FUNDC2: variants seen among roughly 807,000 people sequenced by gnomAD.
FUNDC2 encodes the protein FUN14 domain containing 2.
A neutral mutation model predicts 15.6 loss-of-function variants in FUNDC2; 4 were observed. The observed-to-expected ratio is 0.26, with a 90% CI of 0.13 to 0.59. The LOEUF (loss-of-function observed/expected upper bound fraction) is 0.59, where lower values mean the gene tolerates loss of function less well. Ranked by LOEUF, FUNDC2 falls within the 20% of genes least tolerant of loss-of-function variation. The pLI, the probability that FUNDC2 is intolerant of heterozygous loss-of-function variation, is 0.90. For synonymous variants in FUNDC2, 44 were observed against 56.9 expected, an observed-to-expected ratio of 0.77 and a Z score of 1.02; for missense variants, 98 against 149.7, an observed-to-expected ratio of 0.65 and a Z score of 1.80.
rs1557291482 is a variant in FUNDC2, at chrX:155,060,280, G to GT, written c.*5609dup. Reference sequence around the variant, plus strand: ...AATGTAATTTAGATTTGTAGATGGTGTAACATTAAAGTTGTATGATGTTTT... The same window carrying GT: ...AATGTAATTTAGATTTGTAGATGGTGTTAACATTAAAGTTGTATGATGTTTT... On this transcript the variant is annotated 3_prime_UTR_variant, in exon 5 of 5. Transcript: ENST00000369498. The GT allele has an allele frequency of 8.9e-6, 1 of 112,110 alleles. No homozygotes were observed. The highest frequency in any genetic ancestry group is 1.9e-5 in the Non-Finnish European group (1 of 53,244). The allele number at this position is 112,110 out of a possible 1,213,427, so 9.2% of individuals were successfully genotyped here. A position where few individuals can be genotyped will look rare whatever the true frequency, so the allele number is the denominator to read the frequency against.
chrX:155,051,562 A>C, intron 3 of FUNDC2, 108 bp from the exon 4 acceptor site: 3 of 876,362 alleles, frequency 3.4e-6, no homozygotes, highest in Non-Finnish European at 4.8e-6. Context: ...ATGTCTCCAA[A>C]AATGGAAAGT....
intron 1 of FUNDC2, among the ~76,000 whole-genome samples, chrX:155,032,433 C>T (rs1557288838): frequency 9.2e-6 from 1 of 108,364 alleles, no homozygotes. Context: ...TGTGCCACCA[C>T]CCCCGGCTAA....
intron 1 of FUNDC2, among the ~76,000 whole-genome samples, chrX:155,028,254 C>A (rs1052762467): frequency 9.0e-6 from 1 of 111,486 alleles, no homozygotes; most frequent in South Asian, 3.7e-4. Flanking sequence ...AAGCTATTGG[C>A]TGACTTTTGT....
In FUNDC2 at chrX:155,039,141, G is replaced by A. The variant is rs1057332225; in HGVS notation, c.284+5588G>A. 3.6e-5 allele frequency among the ~76,000 whole-genome samples: 4 copies of A among 112,016 alleles called. No homozygotes were observed. The South Asian group carries it at 1.5e-3, about 41-fold the overall frequency. ...CATATACCTTATTTATTGGCCATTT[G>A]TATGTTTGTATGTCTTCTTTTGAGA... is the stretch of plus-strand genomic sequence containing the variant. On this transcript the variant is annotated intron_variant, in intron 2 of 4. Coordinates refer to ENST00000369498, the MANE Select transcript of FUNDC2 (RefSeq NM_023934.4).
rs1186127647 is a variant in FUNDC2, at chrX:155,058,148, G to C, written c.*3476G>C. 2 of 111,456 alleles carry C rather than the reference G, an allele frequency of 1.8e-5. No individual in the cohort carries two copies. The highest frequency in any genetic ancestry group is 3.8e-5 in the Non-Finnish European group (2 of 53,134). The allele number at this position is 111,456 out of a possible 1,213,427, so 9.2% of individuals were successfully genotyped here. A position where few individuals can be genotyped will look rare whatever the true frequency, so the allele number is the denominator to read the frequency against. On this transcript the variant is annotated 3_prime_UTR_variant, in exon 5 of 5. Coordinates refer to ENST00000369498, the MANE Select transcript of FUNDC2 (RefSeq NM_023934.4). ...GGGGTTCTTGACTCCCCTACCACTG[G>C]GGTGACAGTCCTTGCTACTGGATCT...
chrX:155,046,235 G>A (rs1487754348), intron 2 of FUNDC2, among the ~76,000 whole-genome samples: 2 of 110,125 alleles, frequency 1.8e-5, no homozygotes, highest in East Asian at 2.8e-4. Flanking sequence ...CTCTGCCTTC[G>A]TCCTCCCCCT....
Position 155,056,212 on chromosome X carries a change from C to G in FUNDC2, c.*1540C>G, listed in dbSNP as rs782310464. ...ATAGTACAATAATCCCCCTGTGTAT[C>G]TATCACTCACTCACAACAATCATCA... On this transcript the variant is annotated 3_prime_UTR_variant, in exon 5 of 5. Coordinates refer to ENST00000369498, the MANE Select transcript of FUNDC2 (RefSeq NM_023934.4). The G allele has an allele frequency of 1.3e-4, 14 of 111,996 alleles. No individual in the cohort carries two copies. The East Asian group carries it at 3.1e-3, about 24-fold the overall frequency. 9.2% of individuals were successfully genotyped at this position (111,996 alleles called of 1,213,427 possible). A position where few individuals can be genotyped will look rare whatever the true frequency, so the allele number is the denominator to read the frequency against.
Position 155,054,762 on chromosome X carries a change from C to A in FUNDC2, c.*90C>A, listed in dbSNP as rs919041332. 12 of 781,213 alleles carry A rather than the reference C, an allele frequency of 1.5e-5. No homozygotes were observed. The highest frequency in any genetic ancestry group is 2.3e-5 in the Non-Finnish European group (12 of 516,221). The allele number at this position is 781,213 out of a possible 1,213,427, so 64.4% of individuals were successfully genotyped here. On this transcript the variant is annotated 3_prime_UTR_variant, in exon 5 of 5. Transcript: ENST00000369498. The stretch of plus-strand genomic sequence containing the variant: ...AGGACATCGAGTCCCTCCTCCTCTT[C>A]TCCCATGCCTTCTTCCCTGCCATGG...
At position 155,027,090 on chromosome X, in the gene FUNDC2, G is replaced by A; in HGVS notation, c.133+19G>A. ...AGTCAAGGTAAGGGCGGGCGCGCGC[G>A]CGGCCGGCGCCGCGGGGAGCCGCCT... On this transcript the variant is annotated intron_variant, in intron 1 of 4. Transcript: ENST00000369498. 1 of 1,110,006 alleles carries A rather than the reference G, an allele frequency of 9.0e-7. No homozygotes were observed. The highest frequency in any genetic ancestry group is 1.2e-6 in the Non-Finnish European group (1 of 844,132). 91.5% of individuals were successfully genotyped at this position (1,110,006 alleles called of 1,213,427 possible).
intron 2 of FUNDC2, among the ~76,000 whole-genome samples, chrX:155,038,313 T>G (rs2073837845): frequency 1.8e-5 from 2 of 112,145 alleles, no homozygotes. Context: ...CATTCTGGAA[T>G]GGCTAAATCA....
At chrX:155,033,231 G>A (rs1557288896) in intron 1 of FUNDC2, 172 bp from the exon 2 acceptor site, 1 of 409,382 alleles carries the variant, frequency 2.4e-6, no homozygotes, top group Non-Finnish European at 4.3e-6. Flanking sequence ...ATAGACATTA[G>A]TATTTGCTGA....
In FUNDC2 at chrX:155,057,085, C is replaced by T. The variant is rs1216943979; in HGVS notation, c.*2413C>T. The stretch of plus-strand genomic sequence containing the variant: ...TGTGAGTTCTGCCCACGGTGTGAGG[C>T]CACTGTGACCACTTGGGATTGTGCA... On this transcript the variant is annotated 3_prime_UTR_variant, in exon 5 of 5. Transcript: ENST00000369498. 14 of 99,948 alleles carry T rather than the reference C, an allele frequency of 1.4e-4. No individual in the cohort carries two copies. The highest frequency in any genetic ancestry group is 9.3e-4 in the Admixed American group (9 of 9,725). 8.2% of individuals were successfully genotyped at this position (99,948 alleles called of 1,213,427 possible).
In FUNDC2 at chrX:155,059,698, T is replaced by G. The variant is rs2073920353; in HGVS notation, c.*5026T>G. On this transcript the variant is annotated 3_prime_UTR_variant, in exon 5 of 5. Coordinates refer to ENST00000369498, the MANE Select transcript of FUNDC2 (RefSeq NM_023934.4). ...CAATCCTTTAAAAGAAGGAACTGAT[T>G]TGAACCTTTCAAAACTGAAAGAAAG... 1 of 112,405 alleles carries G rather than the reference T, an allele frequency of 8.9e-6. No individual in the cohort carries two copies. Among genetic ancestry groups the G allele is most frequent in the African/African-American group, 3.2e-5 (1 of 30,912 alleles). The allele number at this position is 112,405 out of a possible 1,213,427, so 9.3% of individuals were successfully genotyped here. A position where few individuals can be genotyped will look rare whatever the true frequency, so the allele number is the denominator to read the frequency against.
Position 155,054,790 on chromosome X carries a change from A to G in FUNDC2, c.*118A>G. 2 of 618,933 alleles carry G rather than the reference A, an allele frequency of 3.2e-6. No homozygotes were observed. The highest frequency in any genetic ancestry group is 2.7e-6 in the Non-Finnish European group (1 of 377,176). The allele number at this position is 618,933 out of a possible 1,213,427, so 51.0% of individuals were successfully genotyped here. A position where few individuals can be genotyped will look rare whatever the true frequency, so the allele number is the denominator to read the frequency against. ...CCATGCCTTCTTCCCTGCCATGGCAAATCTGAGTGGCTTCTCTAAGCATCT... is the reference window on the plus strand; with the variant it reads ...CCATGCCTTCTTCCCTGCCATGGCAGATCTGAGTGGCTTCTCTAAGCATCT... On this transcript the variant is annotated 3_prime_UTR_variant, in exon 5 of 5. Transcript: ENST00000369498.
intron 3 of FUNDC2, among the ~76,000 whole-genome samples, chrX:155,048,406 C>T (rs1312510604): frequency 8.9e-6 from 1 of 112,212 alleles, no homozygotes; most frequent in African/African-American, 3.2e-5. Context: ...ATAATTCTTC[C>T]CTTTCCCAAC....
intron 2 of FUNDC2, among the ~76,000 whole-genome samples, 193 bp from the exon 3 acceptor site, chrX:155,046,316 C>T (rs1448956933): frequency 1.8e-5 from 2 of 111,778 alleles, no homozygotes; most frequent in African/African-American, 6.5e-5. Context: ...AAGGGACTTA[C>T]TCAAGACCAC....
In FUNDC2 at chrX:155,055,347, T is replaced by C. The variant is rs782468037; in HGVS notation, c.*675T>C. The C allele has an allele frequency of 2.5e-3, 727 of 295,213 alleles. 7 individuals carry two copies. Among genetic ancestry groups the C allele is most frequent in the African/African-American group, 0.018 (666 of 36,243 alleles). 24.3% of individuals were successfully genotyped at this position (295,213 alleles called of 1,213,427 possible). ...GTGGGAAAGGGAAGATTTTGGATTT[T>C]TATTTTGTAGAAAAGGTTTTAAGCT... On this transcript the variant is annotated 3_prime_UTR_variant, in exon 5 of 5. Transcript: ENST00000369498.
At chrX:155,027,173 G>A (rs914812896) in intron 1 of FUNDC2, 102 bp downstream of exon 1, 13 of 901,982 alleles carry the variant, frequency 1.4e-5, no homozygotes, top group Non-Finnish European at 1.7e-5. Flanking sequence ...GAGCTCCCCG[G>A]GGAGTCCAAG....
At position 155,033,470 on chromosome X, in the gene FUNDC2, T is replaced by C; in HGVS notation, c.201T>C (p.Arg67=). Residue 67 remains arginine (R), a synonymous_variant, in exon 2 of 5, where the codon CGT becomes CGC. Transcript: ENST00000369498. The part of the protein sequence containing the change: ...AEFAKKQPWW[R]KLFGQESGPS... Reference sequence around the variant, plus strand: ...TTGCTAAGAAGCAGCCATGGTGGCGTAAGCTGTTCGGGCAGGAATCTGGAC... The same window carrying C: ...TTGCTAAGAAGCAGCCATGGTGGCGCAAGCTGTTCGGGCAGGAATCTGGAC... 5.0e-6 allele frequency: 6 copies of C among 1,211,567 alleles called. No individual in the cohort carries two copies. The highest frequency in any genetic ancestry group is 6.7e-6 in the Non-Finnish European group (6 of 894,959).
Sources: allele counts gnomAD v4.1 joint callset (sites outside exome capture counted in the v4.1 genomes callset), GRCh38; gene constraint gnomAD v4.1.1; transcripts MANE v1.5; gene names NCBI Gene and HGNC (gene_info 2026-07-23, HGNC 2026-07-21).